Variants in BRCA2 observed in about 807,000 individuals in gnomAD.
The protein encoded by BRCA2 is BRCA2 DNA repair associated, also known as breast cancer type 2 susceptibility protein.
In BRCA2, 203 loss-of-function variants were observed where a neutral mutation model predicts 276.7. The observed-to-expected ratio is 0.73, with a 90% CI of 0.65 to 0.82. The LOEUF (loss-of-function observed/expected upper bound fraction) is 0.82, where lower values mean the gene tolerates loss of function less well. Ranked by LOEUF, BRCA2 falls within the 40% of genes least tolerant of loss-of-function variation. The probability of loss-of-function intolerance (pLI) is 0.00; values close to 1 mark genes in which losing one functional copy is unlikely to be tolerated. For synonymous variants in BRCA2, 1,289 were observed against 1,338.4 expected (o/e 0.96, Z 0.81); for missense variants, 3,920 against 3,915.0 (o/e 1.00, Z -0.03).
chr13:32,386,467 T>C (rs2072961548), intron 24 of BRCA2, among the ~76,000 whole-genome samples: 1 of 152,200 alleles, frequency 6.6e-6, no homozygotes, highest in African/African-American at 2.4e-5. Flanking sequence ...ACATATTATG[T>C]AATTCACTGT....
Position 32,397,033 on chromosome 13 carries a change from A to G in BRCA2, c.9637A>G (p.Asn3213Asp), listed in dbSNP as rs80359235. The change falls in exon 26 of 27, where the codon AAC becomes GAC. Residue 3213 changes from asparagine to aspartate, a missense_variant. Transcript: ENST00000380152. Reference protein sequence around the residue: ...YTAQIIPGTGNKLLMSSPNCE... With the variant: ...YTAQIIPGTGDKLLMSSPNCE... ...TGCTCAAATCATTCCTGGTACAGGA[A>G]ACAAGCTTCTGGTAAGTTAATGTAA... 6.2e-7 allele frequency: 1 copy of G among 1,614,124 alleles called. No individual in the cohort carries two copies. The highest frequency in any genetic ancestry group is 8.5e-7 in the Non-Finnish European group (1 of 1,179,966).
In BRCA2 at chr13:32,325,137, A is replaced by G. The variant is rs786201593; in HGVS notation, c.378A>G (p.Gln126=). ...GCACAGTGAAAACTAAAATGGATCA[A>G]GCAGATGATGTTTCCTGTCCACTTC... The part of the protein sequence containing the change: ...SLRTVKTKMD[Q]ADDVSCPLLN... Residue 126 remains glutamine (Q), a synonymous_variant, in exon 4 of 27, where the codon CAA becomes CAG. Transcript: ENST00000380152. 1.9e-6 allele frequency: 3 copies of G among 1,609,416 alleles called. No individual in the cohort carries two copies. Among genetic ancestry groups the G allele is most frequent in the African/African-American group, 2.7e-5 (2 of 74,840 alleles).
chr13:32,333,840 C>T (rs2137477476), intron 10 of BRCA2, among the ~76,000 whole-genome samples: 1 of 152,254 alleles, frequency 6.6e-6, no homozygotes, highest in Admixed American at 6.5e-5. Context: ...TCTCATTGTT[C>T]AGCTCCCACT....
chr13:32,396,111 C>T, intron 25 of BRCA2: 1 of 190,048 alleles, frequency 5.3e-6, no homozygotes, highest in South Asian at 7.7e-5. Context: ...GTAGCTGGGA[C>T]TACAGGTGCG....
Position 32,337,110 on chromosome 13 carries a change from G to A in BRCA2, c.2755G>A (p.Glu919Lys), listed in dbSNP as rs431825298. The stretch of plus-strand genomic sequence containing the variant: ...TGAAACAGACTTGACTTGTGTAAAC[G>A]AACCCATTTTCAAGAACTCTACCAT... ...LHETDLTCVNEPIFKNSTMVL... is the reference protein window; with the variant it reads ...LHETDLTCVNKPIFKNSTMVL... The change falls in exon 11 of 27, where the codon GAA becomes AAA. Residue 919 changes from glutamate (E) to lysine (K), a missense_variant. Glu to Lys is a moderately conservative substitution (Grantham distance 56, BLOSUM62 1). Around this residue, in one of 2 missense-constraint regions of BRCA2, gnomAD observed 3,263 missense variants for 3,156.9 expected, o/e 1.03. Transcript: ENST00000380152. 8.1e-6 allele frequency: 13 copies of A among 1,613,576 alleles called. No individual in the cohort carries two copies. The highest frequency in any genetic ancestry group is 4.5e-5 in the East Asian group (2 of 44,836).
intron 13 of BRCA2, among the ~76,000 whole-genome samples, chr13:32,351,123 C>T (rs2072647048): frequency 6.6e-6 from 1 of 152,216 alleles, no homozygotes; most frequent in African/African-American, 2.4e-5. Context: ...AGCCGCTCGG[C>T]TCCACTTCCA....
intron 3 of BRCA2, among the ~76,000 whole-genome samples, chr13:32,322,135 T>C (rs1161225611): frequency 2.6e-5 from 4 of 152,218 alleles, no homozygotes; most frequent in Non-Finnish European, 5.9e-5. Context: ...TCTCCCGAGT[T>C]CCACCTGCTC....
chr13:32,343,691 A>C (rs1282701760), intron 11 of BRCA2, among the ~76,000 whole-genome samples: 1 of 148,638 alleles, frequency 6.7e-6, no homozygotes, highest in Non-Finnish European at 1.5e-5. Context: ...ACTGAAGTAT[A>C]TTGACTTTCC....
intron 10 of BRCA2, among the ~76,000 whole-genome samples, chr13:32,335,460 C>T (rs2072440882): frequency 6.6e-6 from 1 of 151,784 alleles, no homozygotes; most frequent in Admixed American, 6.6e-5. Context: ...AACTCATTTG[C>T]CTTTATCGTT....
chr13:32,337,688 T>G lies in BRCA2; in HGVS notation c.3333T>G (p.Ile1111Met), dbSNP rs878853566. The change falls in exon 11 of 27, where the codon ATT becomes ATG. Residue 1111 changes from isoleucine to methionine, a missense_variant. Around this residue, in one of 2 missense-constraint regions of BRCA2, gnomAD observed 3,263 missense variants for 3,156.9 expected, o/e 1.03. Coordinates refer to ENST00000380152, the MANE Select transcript of BRCA2 (RefSeq NM_000059.4). ...TAACACCTAGCCAAAAGGCAGAAAT[T>G]ACAGAACTTTCTACTATATTAGAAG... ...HNLTPSQKAEITELSTILEES... is the reference protein window; with the variant it reads ...HNLTPSQKAEMTELSTILEES... The G allele has an allele frequency of 6.2e-7, 1 of 1,601,134 alleles. No individual in the cohort carries two copies. Among genetic ancestry groups the G allele is most frequent in the Non-Finnish European group, 8.5e-7 (1 of 1,175,106 alleles).
intron 21 of BRCA2, among the ~76,000 whole-genome samples, chr13:32,378,250 C>T (rs2072887160): frequency 6.6e-6 from 1 of 152,150 alleles, no homozygotes; most frequent in Non-Finnish European, 1.5e-5. Flanking sequence ...TGTAACTGGA[C>T]AAGTGATGTA....
chr13:32,368,083 G>A (rs1172440761), intron 18 of BRCA2, among the ~76,000 whole-genome samples: 1 of 118,520 alleles, frequency 8.4e-6, no homozygotes, highest in African/African-American at 3.2e-5. Flanking sequence ...GCAGTGGCAC[G>A]ATCTTGGCTC....
At position 32,363,455 on chromosome 13, in the gene BRCA2, T is replaced by C. The variant is rs757501907; in HGVS notation, c.8253T>C (p.Ile2751=). Residue 2751 remains isoleucine (I), a synonymous_variant, in exon 18 of 27, where the codon ATT becomes ATC. Transcript: ENST00000380152. ...KNGRLTVGQK[I]ILHGAELVGS... is the part of the protein sequence containing the mutation. ...GCAGACTGACAGTTGGTCAGAAGAT[T>C]ATTCTTCATGGAGCAGAACTGGTGG... The C allele has an allele frequency of 6.2e-7, 1 of 1,614,030 alleles. No homozygotes were observed. Among genetic ancestry groups the C allele is most frequent in the African/African-American group, 1.3e-5 (1 of 74,916 alleles).
intron 24 of BRCA2, among the ~76,000 whole-genome samples, chr13:32,390,794 CTGTT>C (rs1184224426): frequency 6.6e-6 from 1 of 152,182 alleles, no homozygotes; most frequent in East Asian, 1.9e-4. Context: ...GACAGGGACT[CTGTT>C]TGGATTTCTA....
At chr13:32,373,389 C>A (rs2072848462) in intron 20 of BRCA2, among the ~76,000 whole-genome samples, 1 of 151,740 alleles carries the variant, frequency 6.6e-6, no homozygotes, top group African/African-American at 2.4e-5. Flanking sequence ...GTCTGTAATC[C>A]CAGCTATTCC....
chr13:32,332,515 A>C lies in BRCA2; in HGVS notation c.1037A>C (p.Asn346Thr), dbSNP rs786202042. The C allele has an allele frequency of 6.2e-7, 1 of 1,611,906 alleles. No individual in the cohort carries two copies. The highest frequency in any genetic ancestry group is 8.5e-7 in the Non-Finnish European group (1 of 1,179,484). The change falls in exon 10 of 27, where the codon AAC becomes ACC. Residue 346 changes from asparagine (N) to threonine (T), a missense_variant. Asn to Thr is a moderately conservative substitution (Grantham distance 65, BLOSUM62 0). This residue lies in a region of BRCA2 where 3,263 missense variants were observed against 3,156.9 expected (regional missense o/e 1.03). Coordinates refer to ENST00000380152, the MANE Select transcript of BRCA2 (RefSeq NM_000059.4). ...GCTGATGAATGTGAAAAATCTAAAA[A>C]CCAAGTGAAAGAAAAATACTCATTT... ...ANADECEKSK[N>T]QVKEKYSFVS...
At position 32,325,126 on chromosome 13, in the gene BRCA2, A is replaced by G. The variant is rs876658305; in HGVS notation, c.367A>G (p.Lys123Glu). The change falls in exon 4 of 27, where the codon AAA becomes GAA. Residue 123 changes from lysine to glutamate, a missense_variant. Physicochemically the swap from Lys to Glu is moderately conservative, Grantham distance 56. Around this residue, in one of 2 missense-constraint regions of BRCA2, gnomAD observed 3,263 missense variants for 3,156.9 expected, o/e 1.03. Coordinates refer to ENST00000380152, the MANE Select transcript of BRCA2 (RefSeq NM_000059.4). ...RHKSLRTVKT[K>E]MDQADDVSCP... ...TAAAAGTCTTCGCACAGTGAAAACT[A>G]AAATGGATCAAGCAGATGATGTTTC... 2 of 1,610,040 alleles carry G rather than the reference A, an allele frequency of 1.2e-6. No individual in the cohort carries two copies. The highest frequency in any genetic ancestry group is 1.7e-6 in the Non-Finnish European group (2 of 1,176,454).
chr13:32,361,763 T>C (rs979629119), intron 16 of BRCA2, among the ~76,000 whole-genome samples: 5 of 152,078 alleles, frequency 3.3e-5, no homozygotes, highest in African/African-American at 7.2e-5. Context: ...TGGGAGCTTA[T>C]GGAAGTTCTC....
intron 20 of BRCA2, among the ~76,000 whole-genome samples, chr13:32,372,402 C>A (rs184398689): frequency 6.6e-6 from 1 of 152,194 alleles, no homozygotes; most frequent in East Asian, 1.9e-4. Context: ...AATTGACTTA[C>A]AGTTCCACAT....
Sources: allele counts gnomAD v4.1 joint callset (sites outside exome capture counted in the v4.1 genomes callset), GRCh38; gene constraint gnomAD v4.1.1; regional missense constraint gnomAD v4.1.1; transcripts MANE v1.5; gene names NCBI Gene and HGNC (gene_info 2026-07-23, HGNC 2026-07-21).